ENTREP2: variants seen among roughly 807,000 people sequenced by gnomAD.
ENTREP2 encodes the protein protein ENTREP2.
At chr15:29,137,182 T>C in the ENTREP2 span, 1 of 1,479,490 alleles carries the variant, frequency 6.8e-7, no homozygotes, top group Admixed American at 2.9e-5. Context: ...GGATGTGACC[T>C]CTGCGGAAGG....
chr15:29,422,853 GAAGT>G, the ENTREP2 span, among the ~76,000 whole-genome samples: 1 of 152,204 alleles, frequency 6.6e-6, no homozygotes, highest in Non-Finnish European at 1.5e-5. Flanking sequence ...CATGGAATTA[GAAGT>G]AAGTATGGAG....
the ENTREP2 span, among the ~76,000 whole-genome samples, chr15:29,139,307 G>A: frequency 5.3e-5 from 8 of 152,168 alleles, no homozygotes; most frequent in Non-Finnish European, 1.0e-4. Flanking sequence ...ACCGACCCAC[G>A]GCTGCGTGTG....
chr15:29,147,357 C>T, the ENTREP2 span, among the ~76,000 whole-genome samples: 1 of 152,092 alleles, frequency 6.6e-6, no homozygotes, highest in Non-Finnish European at 1.5e-5. Context: ...ACTTCACCAC[C>T]ACTACGATGG....
At chr15:29,594,092 C>T in the ENTREP2 span, among the ~76,000 whole-genome samples, 11 of 151,996 alleles carry the variant, frequency 7.2e-5, no homozygotes, top group Non-Finnish European at 1.5e-4. Flanking sequence ...TAATCGTTTT[C>T]CAAAAAGGTT....
the ENTREP2 span, among the ~76,000 whole-genome samples, chr15:29,601,323 C>T: frequency 6.6e-6 from 1 of 152,100 alleles, no homozygotes; most frequent in Non-Finnish European, 1.5e-5. Flanking sequence ...GGTGAATTGG[C>T]ATACTCCTTT....
chr15:29,131,737 G>A, the ENTREP2 span, among the ~76,000 whole-genome samples: 1 of 126,790 alleles, frequency 7.9e-6, no homozygotes, highest in Non-Finnish European at 1.6e-5. Context: ...ATGTGAGAGT[G>A]CGAGAGTGCC....
chr15:29,553,677 C>CA, the ENTREP2 span, among the ~76,000 whole-genome samples: 1 of 152,162 alleles, frequency 6.6e-6, no homozygotes, highest in Non-Finnish European at 1.5e-5. Context: ...GATACTAGCT[C>CA]TGGGGGAAGC....
chr15:29,503,461 C>A, the ENTREP2 span, among the ~76,000 whole-genome samples: 1 of 152,056 alleles, frequency 6.6e-6, no homozygotes, highest in Admixed American at 6.6e-5. Context: ...TGACTGCTAA[C>A]AGTTATGAGA....
the ENTREP2 span, among the ~76,000 whole-genome samples, chr15:29,338,201 T>C: frequency 4.0e-5 from 6 of 151,404 alleles, no homozygotes; most frequent in Non-Finnish European, 8.8e-5. Context: ...AGGGACAGTT[T>C]AGGGAGTGAG....
chr15:29,296,351 G>A, the ENTREP2 span, among the ~76,000 whole-genome samples: 1 of 152,138 alleles, frequency 6.6e-6, no homozygotes, highest in Non-Finnish European at 1.5e-5. Context: ...ATAGGATTGA[G>A]AGAAACAGAA....
chr15:29,471,314 G>A, the ENTREP2 span, among the ~76,000 whole-genome samples: 1 of 152,244 alleles, frequency 6.6e-6, no homozygotes, highest in African/African-American at 2.4e-5. Flanking sequence ...GAGTGAATGT[G>A]CACATAGAAA....
chr15:29,657,797 C>T, the ENTREP2 span, among the ~76,000 whole-genome samples: 20 of 152,154 alleles, frequency 1.3e-4, no homozygotes, highest in South Asian at 2.7e-3. Flanking sequence ...TCCAACTGGC[C>T]TCACCTCTCA....
At chr15:29,591,864 G>GAAGAAGAAGAAGAAGAAGAAT in the ENTREP2 span, among the ~76,000 whole-genome samples, 3 of 97,010 alleles carry the variant, frequency 3.1e-5, no homozygotes, top group African/African-American at 2.3e-4. Context: ...AGAAGAAGAA[G>GAAGAAGAAGAAGAAGAAGAAT]AAGAAGAAGA....
chr15:29,537,454 ATTC>A, the ENTREP2 span, among the ~76,000 whole-genome samples: 1 of 152,140 alleles, frequency 6.6e-6, no homozygotes, highest in Non-Finnish European at 1.5e-5. Context: ...TTTCCTCCTG[ATTC>A]TTCTTTTAGT....
the ENTREP2 span, among the ~76,000 whole-genome samples, chr15:29,336,292 A>G: frequency 6.6e-6 from 1 of 152,042 alleles, no homozygotes; most frequent in African/African-American, 2.4e-5. Context: ...TCAAATAGAC[A>G]GAAAACCAAC....
At chr15:29,330,761 C>T in the ENTREP2 span, among the ~76,000 whole-genome samples, 10 of 152,090 alleles carry the variant, frequency 6.6e-5, no homozygotes, top group South Asian at 1.5e-3. Flanking sequence ...CATAATGTAG[C>T]GATATTGGCT....
the ENTREP2 span, among the ~76,000 whole-genome samples, chr15:29,628,512 C>T: frequency 6.6e-6 from 1 of 152,272 alleles, no homozygotes; most frequent in Non-Finnish European, 1.5e-5. Context: ...AATATTCTAT[C>T]GATGTCCATT....
At chr15:29,652,464 T>C in the ENTREP2 span, among the ~76,000 whole-genome samples, 1 of 152,214 alleles carries the variant, frequency 6.6e-6, no homozygotes, top group Non-Finnish European at 1.5e-5. Flanking sequence ...AGAAGTGCTG[T>C]AACACAAACA....
chr15:29,428,320 T>TAG, the ENTREP2 span, among the ~76,000 whole-genome samples: 1 of 152,118 alleles, frequency 6.6e-6, no homozygotes, highest in Non-Finnish European at 1.5e-5. Context: ...TTCAAGCGAT[T>TAG]CTCCTGCTTC....
Sources: gnomAD v4.1 joint callset for allele counts (sites outside exome capture counted in the v4.1 genomes callset) on GRCh38, gnomAD v4.1.1 for gene constraint, MANE v1.5 for transcripts, NCBI Gene and HGNC (gene_info 2026-07-23, HGNC 2026-07-21) for gene names.